Variants in DMRTC2 observed in about 807,000 individuals in gnomAD.
DMRTC2 encodes the protein DMRT like family C2, also known as doublesex- and mab-3-related transcription factor C2.
A neutral mutation model predicts 39.9 loss-of-function variants in DMRTC2; 13 were observed. The ratio of observed to expected loss-of-function variants is 0.33; its 90% CI spans 0.21 to 0.52. The LOEUF is 0.52. DMRTC2 is among the 20% of genes least tolerant of loss of function. DMRTC2 has a pLI of 0.96. For missense variants in DMRTC2, 431 were observed against 472.8 expected, an observed-to-expected ratio of 0.91 and a Z score of 0.82; for synonymous variants, 189 against 185.2, an observed-to-expected ratio of 1.02 and a Z score of -0.17.
chr19:41,849,093 G>A, intron 5 of DMRTC2, 37 bp from the exon 6 acceptor site: 2 of 1,613,530 alleles, frequency 1.2e-6, no homozygotes, highest in African/African-American at 1.3e-5. Flanking sequence ...CTATGACCTT[G>A]GCCCCTATAC....
intron 1 of DMRTC2, 187 bp from the exon 2 acceptor site, chr19:41,847,238 T>G: frequency 1.0e-6 from 1 of 982,248 alleles, no homozygotes; most frequent in Non-Finnish European, 1.2e-6. Flanking sequence ...GGAGAGGGGT[T>G]TCTGAAGAAG....
At chr19:41,851,508 G>A (rs935368172) in intron 8 of DMRTC2, 76 bp from the exon 9 acceptor site, 43 of 1,245,738 alleles carry the variant, frequency 3.5e-5, no homozygotes, top group Middle Eastern at 2.5e-4. Flanking sequence ...GCCTGGATTG[G>A]ATTCGGTAAA....
chr19:41,848,673 A>G, intron 4 of DMRTC2, 122 bp from the exon 5 acceptor site: 1 of 1,536,206 alleles, frequency 6.5e-7, no homozygotes, highest in Non-Finnish European at 9.0e-7. Context: ...CTCTAGGCAA[A>G]ATGAGGGGAA....
At position 41,848,964 on chromosome 19, in the gene DMRTC2, C is replaced by A. The variant is rs577126984; in HGVS notation, c.617C>A (p.Pro206His). Reference protein sequence around the residue: ...LLYQEPAVSLPPFPGFDPGTS... With the variant: ...LLYQEPAVSLHPFPGFDPGTS... The stretch of plus-strand genomic sequence containing the variant: ...TACCAAGAACCTGCTGTCTCTCTGC[C>A]TCCCTTCCCTGGTAAGATGATAATT... The change falls in exon 5 of 9, where the codon CCT (proline) becomes CAT (histidine). Residue 206 changes from proline (P) to histidine (H), a missense_variant. Coordinates refer to ENST00000269945, the MANE Select transcript of DMRTC2 (RefSeq NM_001040283.3). The A allele has an allele frequency of 6.2e-7, 1 of 1,614,128 alleles. No homozygotes were observed. Among genetic ancestry groups the A allele is most frequent in the South Asian group, 1.1e-5 (1 of 91,088 alleles).
At chr19:41,850,731 A>G (rs782745801) in intron 8 of DMRTC2, 31 bp downstream of exon 8, 1 of 1,527,740 alleles carries the variant, frequency 6.5e-7, no homozygotes, top group Non-Finnish European at 8.8e-7. Flanking sequence ...ATGGATAGGG[A>G]TGGCTGGGAA....
chr19:41,851,701 C>G lies in DMRTC2; in HGVS notation c.*5C>G. On this transcript the variant is annotated 3_prime_UTR_variant, in exon 9 of 9. Coordinates refer to ENST00000269945, the MANE Select transcript of DMRTC2 (RefSeq NM_001040283.3). Reference sequence around the variant, plus strand: ...TCCATCTCCCTCCTGAGCTAGAAACCCAGAGATGGAGGCTGTCTTGCTATG... The same window carrying G: ...TCCATCTCCCTCCTGAGCTAGAAACGCAGAGATGGAGGCTGTCTTGCTATG... 6.2e-7 allele frequency: 1 copy of G among 1,611,132 alleles called. No homozygotes were observed. The highest frequency in any genetic ancestry group is 8.5e-7 in the Non-Finnish European group (1 of 1,179,188).
At chr19:41,846,314 C>T (rs2073842360) in intron 1 of DMRTC2, among the ~76,000 whole-genome samples, 1 of 152,102 alleles carries the variant, frequency 6.6e-6, no homozygotes, top group South Asian at 2.1e-4. Flanking sequence ...GGATGTAGGA[C>T]TCGCTGAAGG....
chr19:41,850,802 C>T (rs1354935269), intron 8 of DMRTC2, 102 bp downstream of exon 8: 17 of 1,270,688 alleles, frequency 1.3e-5, no homozygotes, highest in Non-Finnish European at 1.7e-5. Flanking sequence ...ACAGGTTGAA[C>T]GTCTTCAGGC....
chr19:41,851,355 G>A (rs2073953710), intron 8 of DMRTC2: 1 of 527,218 alleles, frequency 1.9e-6, no homozygotes, highest in Non-Finnish European at 3.4e-6. Context: ...GAACGTTTCT[G>A]AACTAAGCAA....
In DMRTC2 at chr19:41,852,033, T is replaced by C. The variant is rs3826704; in HGVS notation, c.*337T>C. 377 of 226,016 alleles carry C rather than the reference T, an allele frequency of 1.7e-3. 8 individuals are homozygous for C. In the East Asian group the frequency reaches 0.031, roughly 19 times the overall value. The allele number at this position is 226,016 out of a possible 1,614,324, so 14.0% of individuals were successfully genotyped here. Reference sequence around the variant, plus strand: ...TTTGCATGAGTTTACATCCCAGGATTCCATGATTCTGTAAATGCCTATGCA... The same window carrying C: ...TTTGCATGAGTTTACATCCCAGGATCCCATGATTCTGTAAATGCCTATGCA... On this transcript the variant is annotated 3_prime_UTR_variant, in exon 9 of 9. Transcript: ENST00000269945.
At position 41,848,779 on chromosome 19, in the gene DMRTC2, C is replaced by T; in HGVS notation, c.448-16C>T. 4 of 1,606,948 alleles carry T rather than the reference C, an allele frequency of 2.5e-6. No individual in the cohort carries two copies. The highest frequency in any genetic ancestry group is 3.4e-6 in the Non-Finnish European group (4 of 1,179,984). On this transcript the variant is annotated splice_polypyrimidine_tract_variant and intron_variant, in intron 4 of 8. Coordinates refer to ENST00000269945, the MANE Select transcript of DMRTC2 (RefSeq NM_001040283.3). ...GCCTTGTACCCAACTCCAGCCTGTG[C>T]CCTCTGCCCCTGCAGAACTCCTGTG...
At chr19:41,847,231 G>A (rs565759815) in intron 1 of DMRTC2, 194 bp from the exon 2 acceptor site, 1 of 972,056 alleles carries the variant, frequency 1.0e-6, no homozygotes, top group Admixed American at 6.2e-5. Flanking sequence ...AGGAAGAGGA[G>A]AGGGGTTTCT....
At chr19:41,848,599 C>T (rs745564183) in intron 4 of DMRTC2, 71 bp downstream of exon 4, 3 of 1,370,266 alleles carry the variant, frequency 2.2e-6, no homozygotes, top group Non-Finnish European at 3.0e-6. Flanking sequence ...CTTCTGTGCC[C>T]TCAACACCTG....
Position 41,847,440 on chromosome 19 carries a change from T to C in DMRTC2, c.12T>C (p.Ser4=). The C allele has an allele frequency of 6.4e-7, 1 of 1,568,396 alleles. No individual in the cohort carries two copies. The highest frequency in any genetic ancestry group is 2.3e-5 in the East Asian group (1 of 44,416). The change falls in exon 2 of 9, where the codon AGT becomes AGC. Residue 4 remains serine, a synonymous_variant. Transcript: ENST00000269945. ...CTGCCCCTAGATCCATGGAACCCAG[T>C]GACATGCCTGCTGGCTACCACTGCC... MEP[S]DMPAGYHCPL...
In DMRTC2 at chr19:41,851,644, C is replaced by G. The variant is rs200255208; in HGVS notation, c.1052C>G (p.Pro351Arg). Residue 351 changes from proline to arginine, a missense_variant, in exon 9 of 9, where the codon CCC (proline) becomes CGC (arginine). Physicochemically the swap from Pro to Arg is moderately radical, Grantham distance 103 (BLOSUM62 -2). Transcript: ENST00000269945. The part of the protein sequence containing the change: ...VGPCLRPSPA[P>R]SVALHIGRLG... ...CCCTGTCTTCGACCCAGCCCAGCCC[C>G]CTCTGTTGCTCTGCATATTGGCCGT... The G allele has an allele frequency of 1.2e-6, 2 of 1,614,186 alleles. No individual in the cohort carries two copies. Among genetic ancestry groups the G allele is most frequent in the East Asian group, 4.5e-5 (2 of 44,890 alleles).
At chr19:41,851,522 A>T in intron 8 of DMRTC2, 62 bp from the exon 9 acceptor site, 1 of 1,385,336 alleles carries the variant, frequency 7.2e-7, no homozygotes, top group Non-Finnish European at 1.0e-6. Flanking sequence ...CGGTAAAAAG[A>T]GGGGGTTGCT....
chr19:41,849,210 G>C lies in DMRTC2; in HGVS notation c.709G>C (p.Ala237Pro). 6.2e-7 allele frequency: 1 copy of C among 1,614,174 alleles called. No individual in the cohort carries two copies. Among genetic ancestry groups the C allele is most frequent in the South Asian group, 1.1e-5 (1 of 91,088 alleles). The change falls in exon 6 of 9, where the codon GCT (alanine) becomes CCT (proline). Residue 237 changes from alanine to proline, a missense_variant. By Grantham distance (27) the Ala-to-Pro change is conservative. Coordinates refer to ENST00000269945, the MANE Select transcript of DMRTC2 (RefSeq NM_001040283.3). ...CCCAGGATCTCACCCAGTACTGACA[G>C]CTCCTCTTTCTGGAGAGCCCCAAGG... ...TCPGSHPVLT[A>P]PLSGEPQGPP...
At chr19:41,850,724 G>A in intron 8 of DMRTC2, 24 bp downstream of exon 8, 1 of 1,535,712 alleles carries the variant, frequency 6.5e-7, no homozygotes. Context: ...GGAGAGGATG[G>A]ATAGGGATGG....
chr19:41,849,915 C>T (rs1394336420), intron 6 of DMRTC2, among the ~76,000 whole-genome samples: 1 of 151,932 alleles, frequency 6.6e-6, no homozygotes, highest in African/African-American at 2.4e-5. Context: ...TTCGTCTCTA[C>T]AAAAAAATTA....
Sources: allele counts gnomAD v4.1 joint callset (sites outside exome capture counted in the v4.1 genomes callset), GRCh38; gene constraint gnomAD v4.1.1; transcripts MANE v1.5; gene names NCBI Gene and HGNC (gene_info 2026-07-23, HGNC 2026-07-21).